The following TGM5 variants were observed in gnomAD, a reference collection of about 807,000 sequenced individuals.
The protein encoded by TGM5 is protein-glutamine gamma-glutamyltransferase 5.
A neutral mutation model predicts 77.2 loss-of-function variants in TGM5; 69 were observed. That is an observed-to-expected ratio of 0.89 (90% CI 0.74 to 1.09). The LOEUF (loss-of-function observed/expected upper bound fraction) is 1.09. TGM5 is among the 50% of genes least tolerant of loss of function. The probability of loss-of-function intolerance (pLI) is 0.00; values close to 1 mark genes in which losing one functional copy is unlikely to be tolerated. For missense variants in TGM5, 842 were observed against 896.5 expected (o/e 0.94, Z 0.78); for synonymous variants, 346 against 351.8 (o/e 0.98, Z 0.18).
At chr15:43,241,177 G>A (rs2042633468) in intron 6 of TGM5, 187 bp from the exon 7 acceptor site, 4 of 757,992 alleles carry the variant, frequency 5.3e-6, no homozygotes, top group East Asian at 5.5e-5. Context: ...TCATGGGAGA[G>A]ATTCTAGGCA....
rs775275351 is a variant in TGM5 at position 43,252,910 on chromosome 15, CA to C, written c.710del (p.Val237GlyfsTer26). On this transcript the variant is annotated frameshift_variant, in exon 6 of 13. Coordinates refer to ENST00000220420, the MANE Select transcript of TGM5 (RefSeq NM_201631.4). LOFTEE classifies it high-confidence loss of function. Reference sequence around the variant, plus strand: ...AATTCTCACTCCAGTTTCCATTGAGCACCCCATTATCATCATTGCTGTTGAT... The same window carrying C: ...AATTCTCACTCCAGTTTCCATTGAGCCCCCATTATCATCATTGCTGTTGAT... ...AMINSNDDNGVLNGNWSENYT... is the reference protein window; with the variant it reads ...AMINSNDDNGXLNGNWSENYT... The C allele has an allele frequency of 6.2e-7, 1 of 1,613,640 alleles. No homozygotes were observed.
chr15:43,233,513 G>T, intron 12 of TGM5, 41 bp downstream of exon 12: 1 of 1,613,916 alleles, frequency 6.2e-7, no homozygotes, highest in Non-Finnish European at 8.5e-7. Flanking sequence ...CTAATCTCAG[G>T]GGGGAAAAAC....
intron 6 of TGM5, among the ~76,000 whole-genome samples, chr15:43,251,703 C>T (rs965824100): frequency 2.6e-5 from 4 of 152,176 alleles, no homozygotes; most frequent in African/African-American, 9.7e-5. Flanking sequence ...AAGTGCTTGG[C>T]CCTGGGTGAG....
chr15:43,233,034 G>T lies in TGM5; in HGVS notation c.*157C>A. 2 of 904,182 alleles carry T rather than the reference G, an allele frequency of 2.2e-6. No homozygotes were observed. Among genetic ancestry groups the T allele is most frequent in the Non-Finnish European group, 3.4e-6 (2 of 596,986 alleles). The allele number at this position is 904,182 out of a possible 1,614,324, so 56.0% of individuals were successfully genotyped here. On this transcript the variant is annotated 3_prime_UTR_variant, in exon 13 of 13. Coordinates refer to ENST00000220420, the MANE Select transcript of TGM5 (RefSeq NM_201631.4). ...TCATGGAGCTTAAATTTCTAGTGGA[G>T]TCAGGAGAGACAGAAAATGAACACG...
In TGM5 at chr15:43,233,544, C is replaced by A. The variant is rs746359105; in HGVS notation, c.2009+10G>T. 6 of 1,614,028 alleles carry A rather than the reference C, an allele frequency of 3.7e-6. No homozygotes were observed. The African/African-American group carries it at 6.7e-5, about 18-fold the overall frequency. Reference sequence around the variant, plus strand: ...AAAACAGGAGAAGGCTGAGCACTTGCAGCACTTACAAGACTTTCTGCTGTT... The same window carrying A: ...AAAACAGGAGAAGGCTGAGCACTTGAAGCACTTACAAGACTTTCTGCTGTT... On this transcript the variant is annotated intron_variant, in intron 12 of 12. Transcript: ENST00000220420.
At chr15:43,237,126 G>C (rs1336791381) in intron 9 of TGM5, among the ~76,000 whole-genome samples, 1 of 152,142 alleles carries the variant, frequency 6.6e-6, no homozygotes, top group Non-Finnish European at 1.5e-5. Flanking sequence ...GGTCCACTCG[G>C]GTATGGCTCC....
chr15:43,232,920 A>C lies in TGM5; in HGVS notation c.*271T>G, dbSNP rs949002799. On this transcript the variant is annotated 3_prime_UTR_variant, in exon 13 of 13. Coordinates refer to ENST00000220420, the MANE Select transcript of TGM5 (RefSeq NM_201631.4). ...CTCTGGATGCTGGAGTCTCCTATTC[A>C]TTCATTCAAAAAATATTTGTTGAGT... 9 of 461,068 alleles carry C rather than the reference A, an allele frequency of 2.0e-5. No homozygotes were observed. The highest frequency in any genetic ancestry group is 1.4e-4 in the Admixed American group (4 of 29,052). The allele number at this position is 461,068 out of a possible 1,614,324, so 28.6% of individuals were successfully genotyped here.
chr15:43,242,461 C>A (rs1042900959), intron 6 of TGM5, among the ~76,000 whole-genome samples: 1 of 152,182 alleles, frequency 6.6e-6, no homozygotes, highest in African/African-American at 2.4e-5. Context: ...TCCCCCCTCC[C>A]CTGGGACATA....
intron 3 of TGM5, among the ~76,000 whole-genome samples, chr15:43,258,441 A>T (rs1045155592): frequency 1.3e-5 from 2 of 152,234 alleles, no homozygotes; most frequent in African/African-American, 4.8e-5. Context: ...ACAAAAGGCC[A>T]TGGGCACAGA....
chr15:43,240,979 G>C lies in TGM5; in HGVS notation c.874C>G (p.Leu292Val), dbSNP rs2042631888. The C allele has an allele frequency of 6.2e-7, 1 of 1,614,032 alleles. No individual in the cohort carries two copies. Among genetic ancestry groups the C allele is most frequent in the African/African-American group, 1.3e-5 (1 of 74,904 alleles). Reference protein sequence around the residue: ...AAVMCTVMRCLGIPTRVITNF... With the variant: ...AAVMCTVMRCVGIPTRVITNF... ...GTGATCACACGGGTAGGGATCCCCA[G>C]ACACCTCATCACTGCAAAAAGGGCA... Residue 292 changes from leucine to valine, a missense_variant, in exon 7 of 13, where the codon CTG becomes GTG. Around this residue, in one of 2 missense-constraint regions of TGM5, gnomAD observed 815 missense variants for 844.6 expected, o/e 0.96. Coordinates refer to ENST00000220420, the MANE Select transcript of TGM5 (RefSeq NM_201631.4).
chr15:43,258,853 C>CG (rs2042763190), intron 3 of TGM5, among the ~76,000 whole-genome samples: 2 of 152,054 alleles, frequency 1.3e-5, no homozygotes, highest in Non-Finnish European at 2.9e-5. Flanking sequence ...TCAGAAGGCC[C>CG]TGAGAGAGAG....
Position 43,260,543 on chromosome 15 carries a change from CT to C in TGM5, c.46del (p.Arg16GlufsTer87), listed in dbSNP as rs1177764841. The C allele has an allele frequency of 3.1e-6, 5 of 1,614,006 alleles. No homozygotes were observed. The African/African-American group carries it at 6.7e-5, about 22-fold the overall frequency. ...CTCCGTGTGGTGCCGCACATTATTT[CT>C]GGAGCTCTGGAGGTCTGTGAGGGCC... Reference protein sequence around the residue: ...EVALTDLQSSRNNVRHHTEEI... With the variant: ...EVALTDLQSSXNNVRHHTEEI... On this transcript the variant is annotated frameshift_variant, in exon 2 of 13. Coordinates refer to ENST00000220420, the MANE Select transcript of TGM5 (RefSeq NM_201631.4). LOFTEE classifies it high-confidence loss of function.
intron 1 of TGM5, 115 bp from the exon 2 acceptor site, chr15:43,260,694 A>T: frequency 8.9e-7 from 1 of 1,129,558 alleles, no homozygotes; most frequent in African/African-American, 1.5e-5. Flanking sequence ...CTCAGTTTCC[A>T]TATCAGTAAA....
rs1000493116 is a variant in TGM5 at position 43,256,570 on chromosome 15, G to A, written c.553C>T (p.Gln185Ter). The change falls in exon 4 of 13, where the codon CAG (glutamine) becomes TAG (stop). Residue 185 changes from glutamine to a stop codon, truncating the protein, a stop_gained and splice_region_variant. Transcript: ENST00000220420. LOFTEE classifies it high-confidence loss of function. Reference protein sequence around the residue: ...WIRPCPWNYGQFEDKIIDICL... With the variant: ...WIRPCPWNYG ...CCATAAGCAGGGCTGAGACTCACCT[G>A]TCCATAGTTCCAGGGACATGGGCGG... The A allele has an allele frequency of 1.2e-6, 2 of 1,613,246 alleles. No individual in the cohort carries two copies. Among genetic ancestry groups the A allele is most frequent in the Non-Finnish European group, 1.7e-6 (2 of 1,179,160 alleles).
chr15:43,262,553 G>A (rs548690657), intron 1 of TGM5, among the ~76,000 whole-genome samples: 74 of 152,306 alleles, frequency 4.9e-4, no homozygotes, highest in East Asian at 1.2e-3. Context: ...TTGGGAGGCC[G>A]AGGCGGGTGG....
chr15:43,248,900 G>A (rs894011228), intron 6 of TGM5, among the ~76,000 whole-genome samples: 5 of 152,124 alleles, frequency 3.3e-5, no homozygotes, highest in Non-Finnish European at 7.4e-5. Context: ...TAGCTCAGGG[G>A]TTTTCAAAAA....
chr15:43,239,530 AT>A, intron 7 of TGM5: 1 of 506,010 alleles, frequency 2.0e-6, no homozygotes, highest in Non-Finnish European at 3.6e-6. Context: ...AAAAAAAAAA[AT>A]TAACTAGGCA....
intron 11 of TGM5, 139 bp downstream of exon 11, chr15:43,234,630 C>T (rs2042573528): frequency 1.9e-6 from 2 of 1,075,926 alleles, no homozygotes; most frequent in South Asian, 1.3e-5. Context: ...ACAAACTTCT[C>T]CCTCCTGGAG....
Position 43,233,680 on chromosome 15 carries a change from C to A in TGM5, c.1883G>T (p.Gly628Val). Reference protein sequence around the residue: ...SYPSITINVLGAAVVNQPLSI... With the variant: ...SYPSITINVLVAAVVNQPLSI... ...GAGTGGCTGGTTCACAACGGCTGCTCCTAGAACCTAAACAGACCAGGAGGG... is the reference window on the plus strand; with the variant it reads ...GAGTGGCTGGTTCACAACGGCTGCTACTAGAACCTAAACAGACCAGGAGGG... The change falls in exon 12 of 13, where the codon GGA (glycine) becomes GTA (valine). Residue 628 changes from glycine to valine, a missense_variant. Gly to Val is a moderately radical substitution (Grantham distance 109). Coordinates refer to ENST00000220420, the MANE Select transcript of TGM5 (RefSeq NM_201631.4). 6.2e-7 allele frequency: 1 copy of A among 1,614,128 alleles called. No homozygotes were observed. Among genetic ancestry groups the A allele is most frequent in the South Asian group, 1.1e-5 (1 of 91,076 alleles).
Sources: allele counts gnomAD v4.1 joint callset (sites outside exome capture counted in the v4.1 genomes callset), GRCh38; gene constraint gnomAD v4.1.1; regional missense constraint gnomAD v4.1.1; transcripts MANE v1.5; gene names NCBI Gene and HGNC (gene_info 2026-07-23, HGNC 2026-07-21).